The following BNIP3L variants were observed in gnomAD, a reference collection of about 807,000 sequenced individuals.
BNIP3L encodes BCL2 interacting protein 3 like, also known as BCL2/adenovirus E1B 19 kDa protein-interacting protein 3-like.
Under a neutral mutation model 25.5 loss-of-function variants are expected in BNIP3L, and 10 were observed. The ratio of observed to expected loss-of-function variants is 0.39; its 90% CI spans 0.24 to 0.67. BNIP3L has a LOEUF of 0.67. Among genes scored for constraint, BNIP3L ranks in the 30% least tolerant of loss-of-function variants. The pLI, the probability that BNIP3L is intolerant of heterozygous loss-of-function variation, is 0.45. For synonymous variants in BNIP3L, 113 were observed against 101.2 expected, an observed-to-expected ratio of 1.12 and a Z score of -0.70; for missense variants, 215 against 270.9, an observed-to-expected ratio of 0.79 and a Z score of 1.45.
intron 3 of BNIP3L, 130 bp downstream of exon 3, chr8:26,395,432 G>T: frequency 9.7e-7 from 1 of 1,031,380 alleles, no homozygotes; most frequent in South Asian, 1.7e-5. Context: ...TCTGATTTTG[G>T]AATTTATTTA....
At chr8:26,407,881 T>A in intron 3 of BNIP3L, 119 bp from the exon 4 acceptor site, 1 of 816,504 alleles carries the variant, frequency 1.2e-6, no homozygotes. Context: ...ACATGTTTGT[T>A]ATCTAAAATT....
intron 3 of BNIP3L, among the ~76,000 whole-genome samples, chr8:26,400,256 C>G (rs940595882): frequency 6.6e-6 from 1 of 151,354 alleles, no homozygotes; most frequent in Non-Finnish European, 1.5e-5. Flanking sequence ...TCAGAAATAA[C>G]GCCGCTTACC....
At position 26,383,218 on chromosome 8, in the gene BNIP3L, G is replaced by T. The variant is rs1260041949; in HGVS notation, c.88G>T (p.Ala30Ser). ...EENEQSLPPP[A>S]GLNSSWVELP... ...AAATGAGCAGTCTCTGCCCCCGCCGGCCGGCCTCAACAGTGAGTGCGGGGC... is the reference window on the plus strand; with the variant it reads ...AAATGAGCAGTCTCTGCCCCCGCCGTCCGGCCTCAACAGTGAGTGCGGGGC... Residue 30 changes from alanine to serine, a missense_variant, in exon 1 of 6, where the codon GCC becomes TCC. Ala to Ser is a moderately conservative substitution (Grantham distance 99). Around this residue, in one of 4 missense-constraint regions of BNIP3L, gnomAD observed 69 missense variants for 53.6 expected, o/e 1.29. Coordinates refer to ENST00000380629, the MANE Select transcript of BNIP3L (RefSeq NM_004331.3). 1.9e-6 allele frequency: 3 copies of T among 1,610,190 alleles called. No individual in the cohort carries two copies. The African/African-American group carries it at 4.0e-5, about 22-fold the overall frequency.
chr8:26,393,493 A>G (rs1280509146), intron 2 of BNIP3L, among the ~76,000 whole-genome samples: 2 of 151,072 alleles, frequency 1.3e-5, no homozygotes, highest in Non-Finnish European at 1.5e-5. Context: ...AGACGTCACA[A>G]TATTTTAAAA....
intron 2 of BNIP3L, among the ~76,000 whole-genome samples, chr8:26,392,715 C>T (rs1417543421): frequency 1.3e-5 from 2 of 152,082 alleles, no homozygotes; most frequent in Admixed American, 6.5e-5. Context: ...TCTGTCTTTC[C>T]GAATGAAGAT....
chr8:26,388,807 C>CTAAATAAA (rs3837185), intron 1 of BNIP3L, among the ~76,000 whole-genome samples: 14,808 of 143,816 alleles, frequency 0.1, 1,073 homozygotes, highest in African/African-American at 0.19. Context: ...CCTGTCTCTA[C>CTAAATAAA]TAAATAAATA....
At chr8:26,403,005 A>C (rs1806422999) in intron 3 of BNIP3L, among the ~76,000 whole-genome samples, 1 of 152,194 alleles carries the variant, frequency 6.6e-6, no homozygotes, top group South Asian at 2.1e-4. Flanking sequence ...ATTCCAAAGG[A>C]ATTTTTGAAA....
intron 5 of BNIP3L, among the ~76,000 whole-genome samples, chr8:26,408,642 T>C (rs535965174): frequency 1.6e-4 from 25 of 152,248 alleles, no homozygotes; most frequent in African/African-American, 6.0e-4. Flanking sequence ...GAGGCCAAGA[T>C]GGGTGGATGA....
chr8:26,383,624 G>C (rs1226462568), intron 1 of BNIP3L: 1 of 388,760 alleles, frequency 2.6e-6, no homozygotes. Context: ...ACGTGCGGCG[G>C]GGACGCCGGG....
In BNIP3L at chr8:26,413,062, A is replaced by T. The variant is rs1395633881; in HGVS notation, c.*2650A>T. On this transcript the variant is annotated 3_prime_UTR_variant, in exon 6 of 6. Coordinates refer to ENST00000380629, the MANE Select transcript of BNIP3L (RefSeq NM_004331.3). This position sits in a 1 kb window ranked among gnomAD's most constrained non-coding sequence, Gnocchi z 5.2. ...GTTAGCACTTTGTATCGTTATATAC[A>T]GTTTACAATACATGTATAACTTGTA... The T allele has an allele frequency of 1.3e-5, 2 of 152,688 alleles. No individual in the cohort carries two copies. The highest frequency in any genetic ancestry group is 4.8e-5 in the African/African-American group (2 of 41,472). 9.5% of individuals were successfully genotyped at this position (152,688 alleles called of 1,614,324 possible).
At chr8:26,384,263 G>C (rs1805935630) in intron 1 of BNIP3L, among the ~76,000 whole-genome samples, 1 of 152,194 alleles carries the variant, frequency 6.6e-6, no homozygotes, top group South Asian at 2.1e-4. Context: ...ATGCTTAAAG[G>C]TCATGCAGTA....
chr8:26,386,201 A>G (rs1805988038), intron 1 of BNIP3L, among the ~76,000 whole-genome samples: 2 of 152,092 alleles, frequency 1.3e-5, no homozygotes, highest in Admixed American at 1.3e-4. Flanking sequence ...CGCTGTGGAG[A>G]GACTGTTCAC....
intron 3 of BNIP3L, among the ~76,000 whole-genome samples, chr8:26,406,690 C>T (rs776410551): frequency 2.0e-5 from 3 of 151,852 alleles, no homozygotes; most frequent in Non-Finnish European, 4.4e-5. Flanking sequence ...GGCGTGGTGG[C>T]ACACACCTGT....
In BNIP3L at chr8:26,410,545, ACT is replaced by A. The variant is rs1254626629; in HGVS notation, c.*137_*138del. On this transcript the variant is annotated 3_prime_UTR_variant, in exon 6 of 6. Transcript: ENST00000380629. ...TGTTTTTACATATCCAATTCCAGTA[ACT>A]CTCAAATTCAATATTTTATTCAAAC... 2 of 991,314 alleles carry A rather than the reference ACT, an allele frequency of 2.0e-6. No homozygotes were observed. Among genetic ancestry groups the A allele is most frequent in the Non-Finnish European group, 3.1e-6 (2 of 640,078 alleles). 61.4% of individuals were successfully genotyped at this position (991,314 alleles called of 1,614,324 possible).
Position 26,412,058 on chromosome 8 carries a change from C to CT in BNIP3L, c.*1649dup, listed in dbSNP as rs965122386. On this transcript the variant is annotated 3_prime_UTR_variant, in exon 6 of 6. Coordinates refer to ENST00000380629, the MANE Select transcript of BNIP3L (RefSeq NM_004331.3). Reference sequence around the variant, plus strand: ...TTTTTTCAAGAATATAGCTGGCTATCTTTAAGAAAGATGATATATCCTAGT... The same window carrying CT: ...TTTTTTCAAGAATATAGCTGGCTATCTTTTAAGAAAGATGATATATCCTAGT... The CT allele has an allele frequency of 1.3e-5, 2 of 152,404 alleles. No homozygotes were observed. Among genetic ancestry groups the CT allele is most frequent in the Non-Finnish European group, 2.9e-5 (2 of 68,008 alleles). 9.4% of individuals were successfully genotyped at this position (152,404 alleles called of 1,614,324 possible).
chr8:26,404,704 C>T (rs567522934), intron 3 of BNIP3L, among the ~76,000 whole-genome samples: 4 of 152,226 alleles, frequency 2.6e-5, no homozygotes, highest in African/African-American at 7.2e-5. Flanking sequence ...GACAGGGTTT[C>T]GCCGTGCTGG....
At chr8:26,388,586 A>C (rs1023054110) in intron 1 of BNIP3L, among the ~76,000 whole-genome samples, 1 of 152,200 alleles carries the variant, frequency 6.6e-6, no homozygotes, top group Non-Finnish European at 1.5e-5. Context: ...TGTCTCTTTC[A>C]GGTTCCAAAA....
intron 3 of BNIP3L, among the ~76,000 whole-genome samples, chr8:26,406,198 TTTTTA>T (rs1466874508): frequency 6.6e-6 from 1 of 152,250 alleles, no homozygotes; most frequent in Non-Finnish European, 1.5e-5. Flanking sequence ...AAAGTCACAT[TTTTTA>T]TTTTATTTGA....
rs192214518 is a variant in BNIP3L, at chr8:26,395,150, A to G, written c.285-80A>G. On this transcript the variant is annotated intron_variant, in intron 2 of 5. Coordinates refer to ENST00000380629, the MANE Select transcript of BNIP3L (RefSeq NM_004331.3). ...TCAAAGCCATACTGCTGTAACTTTT[A>G]ATTTTCTAATTTCTAGTAGAGACTA... The G allele has an allele frequency of 1.1e-4, 158 of 1,465,762 alleles. No individual in the cohort carries two copies. The African/African-American group carries it at 1.4e-3, about 13-fold the overall frequency. 90.8% of individuals were successfully genotyped at this position (1,465,762 alleles called of 1,614,324 possible). A position where few individuals can be genotyped will look rare whatever the true frequency, so the allele number is the denominator to read the frequency against.
Sources: gnomAD v4.1 joint callset for allele counts (sites outside exome capture counted in the v4.1 genomes callset) on GRCh38, gnomAD v4.1.1 for gene constraint, gnomAD v4.1.1 regional missense constraint, Gnocchi (gnomAD v3.1) non-coding constraint, MANE v1.5 for transcripts, NCBI Gene and HGNC (gene_info 2026-07-23, HGNC 2026-07-21) for gene names.